Variants in CMSS1 observed in about 807,000 individuals in gnomAD.
The protein encoded by CMSS1 is protein CMSS1.
CMSS1 carries 33 observed loss-of-function variants against 43.5 expected under a neutral mutation model. The ratio of observed to expected loss-of-function variants is 0.76; its 90% CI spans 0.57 to 1.01. The LOEUF (loss-of-function observed/expected upper bound fraction) is 1.01. CMSS1 is among the 50% of genes least tolerant of loss of function. The pLI, the probability that CMSS1 is intolerant of heterozygous loss-of-function variation, is 0.00. For missense variants in CMSS1, 313 were observed against 326.4 expected, an observed-to-expected ratio of 0.96 and a Z score of 0.32; for synonymous variants, 115 against 117.2, an observed-to-expected ratio of 0.98 and a Z score of 0.12.
chr3:100,137,887 A>G (rs890932772), intron 1 of CMSS1, among the ~76,000 whole-genome samples: 2 of 152,174 alleles, frequency 1.3e-5, no homozygotes, highest in Non-Finnish European at 2.9e-5. Flanking sequence ...TTTTTAAAAC[A>G]CAAGTTTATG....
At chr3:100,124,089 T>C (rs1225630950) in intron 1 of CMSS1, among the ~76,000 whole-genome samples, 4 of 152,180 alleles carry the variant, frequency 2.6e-5, no homozygotes, top group Non-Finnish European at 5.9e-5. Context: ...AGTTCAGAGC[T>C]GAAAAACATG....
intron 1 of CMSS1, among the ~76,000 whole-genome samples, chr3:99,886,329 C>G (rs964074405): frequency 7.3e-5 from 11 of 151,026 alleles, no homozygotes; most frequent in African/African-American, 2.7e-4. Flanking sequence ...GATGTCCAAT[C>G]TTTTGGCTTC....
intron 1 of CMSS1, among the ~76,000 whole-genome samples, chr3:100,110,344 A>G (rs2066469768): frequency 6.6e-6 from 1 of 152,078 alleles, no homozygotes; most frequent in South Asian, 2.1e-4. Context: ...CTGCCTCTGT[A>G]TTTTTTTGTT....
At chr3:100,046,631 A>G (rs1467992728) in intron 1 of CMSS1, among the ~76,000 whole-genome samples, 1 of 152,132 alleles carries the variant, frequency 6.6e-6, no homozygotes, top group African/African-American at 2.4e-5. Flanking sequence ...ATTACAGGGA[A>G]TGACCTGGCC....
intron 1 of CMSS1, among the ~76,000 whole-genome samples, chr3:99,963,638 G>T (rs1708559342): frequency 6.6e-6 from 1 of 151,606 alleles, no homozygotes; most frequent in Non-Finnish European, 1.5e-5. Flanking sequence ...TTTAGACGGA[G>T]TGTCGCTCTG....
At chr3:100,074,304 C>T (rs571458800) in intron 1 of CMSS1, among the ~76,000 whole-genome samples, 31 of 152,240 alleles carry the variant, frequency 2.0e-4, no homozygotes, top group East Asian at 5.8e-4. Flanking sequence ...CAAAGGTTTC[C>T]GTTGCTGAAT....
intron 1 of CMSS1, among the ~76,000 whole-genome samples, chr3:99,955,363 T>G (rs1362745157): frequency 1.3e-5 from 2 of 152,104 alleles, no homozygotes; most frequent in East Asian, 3.8e-4. Flanking sequence ...GAAAGATACC[T>G]ACAACATTTT....
intron 2 of CMSS1, among the ~76,000 whole-genome samples, chr3:100,153,742 A>C (rs1240887395): frequency 1.3e-5 from 2 of 152,194 alleles, no homozygotes; most frequent in African/African-American, 4.8e-5. Context: ...CTTTCAAGGC[A>C]ATACAATTCA....
chr3:100,115,629 GTCTC>G (rs1242624231), intron 1 of CMSS1, among the ~76,000 whole-genome samples: 1 of 52,114 alleles, frequency 1.9e-5, no homozygotes, highest in African/African-American at 7.4e-5. Context: ...CTCTCTCTCT[GTCTC>G]TCTCTCTCAT....
intron 1 of CMSS1, among the ~76,000 whole-genome samples, chr3:99,838,334 G>A (rs575357330): frequency 6.6e-6 from 1 of 152,306 alleles, no homozygotes; most frequent in South Asian, 2.1e-4. Flanking sequence ...GGAAGCAGGT[G>A]GAGTTGGAAG....
rs564505896 is a variant in CMSS1 at position 100,067,864 on chromosome 3, A to G, written c.65-79109A>G. 1.2e-4 allele frequency among the ~76,000 whole-genome samples: 19 copies of G among 152,148 alleles called. No individual in the cohort carries two copies. In the South Asian group the frequency reaches 3.9e-3, roughly 32 times the overall value. On this transcript the variant is annotated intron_variant, in intron 1 of 9. Transcript: ENST00000421999. ...GGACTCTGGGTATAGTACAATAGGG[A>G]AGCACAGTAGAGAAGCACAATATTA... is the stretch of plus-strand genomic sequence containing the variant.
At chr3:100,160,318 C>T in intron 2 of CMSS1, 112 bp from the exon 3 acceptor site, 1 of 644,914 alleles carries the variant, frequency 1.6e-6, no homozygotes, top group Middle Eastern at 2.7e-4. Context: ...TAGAATATTA[C>T]CAAGATACTC....
intron 1 of CMSS1, chr3:99,850,600 C>A: frequency 6.2e-7 from 1 of 1,613,818 alleles, no homozygotes. Context: ...TTCTCCCTTA[C>A]TGATTTTTTC....
chr3:100,064,358 G>A (rs891672616), intron 1 of CMSS1, among the ~76,000 whole-genome samples: 4 of 151,474 alleles, frequency 2.6e-5, no homozygotes, highest in Non-Finnish European at 4.4e-5. Flanking sequence ...CCAGTCCCAC[G>A]GCCTCTCTTT....
At chr3:99,869,277 C>T (rs777660913) in intron 1 of CMSS1, among the ~76,000 whole-genome samples, 2 of 152,124 alleles carry the variant, frequency 1.3e-5, no homozygotes, top group Non-Finnish European at 2.9e-5. Context: ...CATCTGTGTT[C>T]AGCCTAATGA....
intron 1 of CMSS1, among the ~76,000 whole-genome samples, chr3:100,024,602 T>C (rs933612519): frequency 1.8e-4 from 28 of 152,096 alleles, no homozygotes; most frequent in African/African-American, 6.5e-4. Flanking sequence ...TAGTAACAAA[T>C]CCAACAGGCA....
chr3:99,860,471 T>C (rs1397639354), intron 1 of CMSS1, among the ~76,000 whole-genome samples: 3 of 152,088 alleles, frequency 2.0e-5, no homozygotes, highest in Admixed American at 6.5e-5. Context: ...CTCACTCTTT[T>C]AAGAGCAGAA....
chr3:99,911,517 T>C (rs1195396412), intron 1 of CMSS1, among the ~76,000 whole-genome samples: 2 of 151,984 alleles, frequency 1.3e-5, no homozygotes, highest in African/African-American at 2.4e-5. Context: ...AAATCCAAGG[T>C]TGTGGCATAC....
chr3:99,976,166 A>G (rs1708965129), intron 1 of CMSS1, among the ~76,000 whole-genome samples: 1 of 152,142 alleles, frequency 6.6e-6, no homozygotes, highest in African/African-American at 2.4e-5. Context: ...AAGCCACCGC[A>G]CCTGGCCCAG....
Sources: gnomAD v4.1 joint callset for allele counts (sites outside exome capture counted in the v4.1 genomes callset) on GRCh38, gnomAD v4.1.1 for gene constraint, MANE v1.5 for transcripts, NCBI Gene and HGNC (gene_info 2026-07-23, HGNC 2026-07-21) for gene names.